HEMK2: variants seen among roughly 807,000 people sequenced by gnomAD.
The protein encoded by HEMK2 is methyltransferase HEMK2.
At chr21:28,618,576 T>G in the HEMK2 span, among the ~76,000 whole-genome samples, 2 of 152,184 alleles carry the variant, frequency 1.3e-5, 1 homozygote, top group Middle Eastern at 6.3e-3. Flanking sequence ...GTGAACCTCA[T>G]TTAACTGTAT....
the HEMK2 span, among the ~76,000 whole-genome samples, chr21:28,804,169 C>G: frequency 6.6e-6 from 1 of 152,162 alleles, no homozygotes; most frequent in Non-Finnish European, 1.5e-5. Context: ...AAGATAAAGG[C>G]TATCTTCTTA....
the HEMK2 span, among the ~76,000 whole-genome samples, chr21:28,777,433 G>A: frequency 6.6e-6 from 1 of 152,134 alleles, no homozygotes; most frequent in East Asian, 1.9e-4. Context: ...GGTCTTATTG[G>A]CTAGATGTAG....
chr21:28,602,446 T>C, the HEMK2 span, among the ~76,000 whole-genome samples: 1 of 152,208 alleles, frequency 6.6e-6, no homozygotes, highest in Non-Finnish European at 1.5e-5. Flanking sequence ...ATTCTACATT[T>C]TGTGCATATT....
chr21:28,721,750 T>C, the HEMK2 span, among the ~76,000 whole-genome samples: 1 of 152,146 alleles, frequency 6.6e-6, no homozygotes, highest in Non-Finnish European at 1.5e-5. Flanking sequence ...ATATATTAAC[T>C]TGACTGATCC....
At chr21:28,837,125 T>C in the HEMK2 span, among the ~76,000 whole-genome samples, 1 of 152,178 alleles carries the variant, frequency 6.6e-6, no homozygotes, top group Non-Finnish European at 1.5e-5. Flanking sequence ...CTGACAGCAC[T>C]AGACAGCTCA....
the HEMK2 span, among the ~76,000 whole-genome samples, chr21:28,665,119 C>G: frequency 7.3e-6 from 1 of 136,662 alleles, no homozygotes; most frequent in African/African-American, 2.8e-5. Flanking sequence ...TTCTACTAAA[C>G]ATAAAAAAAA....
At chr21:28,697,778 CAAAAAAAA>C in the HEMK2 span, among the ~76,000 whole-genome samples, 2 of 79,556 alleles carry the variant, frequency 2.5e-5, no homozygotes, top group Admixed American at 1.6e-4. Flanking sequence ...ATCATGAGCC[CAAAAAAAA>C]AAAAAAAAAA....
At chr21:28,818,493 C>T in the HEMK2 span, among the ~76,000 whole-genome samples, 1 of 152,064 alleles carries the variant, frequency 6.6e-6, no homozygotes, top group South Asian at 2.1e-4. Flanking sequence ...TCTAGAGAAC[C>T]CTGACTAATA....
At chr21:28,658,453 A>C in the HEMK2 span, among the ~76,000 whole-genome samples, 2 of 152,072 alleles carry the variant, frequency 1.3e-5, no homozygotes, top group African/African-American at 4.8e-5. Flanking sequence ...AGTTAAGATG[A>C]AGCCTAGGTG....
the HEMK2 span, among the ~76,000 whole-genome samples, chr21:28,773,074 A>G: frequency 6.6e-6 from 1 of 152,192 alleles, no homozygotes; most frequent in Non-Finnish European, 1.5e-5. Context: ...ATGAGACCCA[A>G]GCCTCAATCT....
chr21:28,641,269 G>A, the HEMK2 span, among the ~76,000 whole-genome samples: 1 of 152,146 alleles, frequency 6.6e-6, no homozygotes, highest in African/African-American at 2.4e-5. Flanking sequence ...CATAAAGATA[G>A]AAGAAGTCAG....
chr21:28,695,651 G>A, the HEMK2 span, among the ~76,000 whole-genome samples: 3 of 151,974 alleles, frequency 2.0e-5, no homozygotes, highest in Non-Finnish European at 2.9e-5. Flanking sequence ...GACACGTGGG[G>A]ATTATTACAA....
chr21:28,716,381 GT>G, the HEMK2 span, among the ~76,000 whole-genome samples: 2 of 151,960 alleles, frequency 1.3e-5, no homozygotes, highest in African/African-American at 4.8e-5. Flanking sequence ...TATTTTGTGG[GT>G]TTTTTTGTGG....
At chr21:28,772,664 T>C in the HEMK2 span, among the ~76,000 whole-genome samples, 1 of 152,166 alleles carries the variant, frequency 6.6e-6, no homozygotes, top group Non-Finnish European at 1.5e-5. Context: ...TTTTATCCCT[T>C]TTACATTCTC....
chr21:28,870,212 G>T, the HEMK2 span, among the ~76,000 whole-genome samples: 1 of 150,790 alleles, frequency 6.6e-6, no homozygotes. Context: ...ACAAAAAAAA[G>T]TATGGACTTT....
At chr21:28,850,331 T>C in the HEMK2 span, among the ~76,000 whole-genome samples, 6 of 148,986 alleles carry the variant, frequency 4.0e-5, no homozygotes, top group African/African-American at 1.2e-4. Context: ...CTCACGCCAT[T>C]CTCCTGCCTC....
the HEMK2 span, among the ~76,000 whole-genome samples, chr21:28,595,773 C>CTTTATTTATTTA: frequency 0.019 from 2,834 of 149,432 alleles, 104 homozygotes; most frequent in African/African-American, 0.066. Context: ...TTTTATTTTA[C>CTTTATTTATTTA]TTTATTTATT....
chr21:28,622,406 A>C, the HEMK2 span, among the ~76,000 whole-genome samples: 2 of 152,178 alleles, frequency 1.3e-5, no homozygotes, highest in African/African-American at 4.8e-5. Flanking sequence ...CATACTACCC[A>C]AAGTAATTTA....
the HEMK2 span, among the ~76,000 whole-genome samples, chr21:28,678,242 T>C: frequency 1.1e-4 from 16 of 152,138 alleles, no homozygotes. Context: ...AACTACATGA[T>C]GAATGCATAA....
Sources: allele counts gnomAD v4.1 joint callset (sites outside exome capture counted in the v4.1 genomes callset), GRCh38; gene constraint gnomAD v4.1.1; transcripts MANE v1.5; gene names NCBI Gene and HGNC (gene_info 2026-07-23, HGNC 2026-07-21).